The following ACSF3 variants were observed in gnomAD, a reference collection of about 807,000 sequenced individuals.
ACSF3 encodes the protein acyl-CoA synthetase family member 3, also known as malonate--CoA ligase ACSF3, mitochondrial.
Under a neutral mutation model 53.2 loss-of-function variants are expected in ACSF3, and 78 were observed. That is an observed-to-expected ratio of 1.47 (90% confidence interval 1.22 to 1.77). The LOEUF (loss-of-function observed/expected upper bound fraction) is 1.77. Among genes scored for constraint, ACSF3 ranks in the 40% most tolerant of loss-of-function variants. ACSF3 has a pLI of 0.00. For missense variants in ACSF3, 937 were observed against 771.1 expected (o/e 1.22, Z -2.55); for synonymous variants, 414 against 333.1 (o/e 1.24, Z -2.65).
At chr16:89,097,346 AG>A in intron 1 of ACSF3, among the ~76,000 whole-genome samples, 1 of 152,206 alleles carries the variant, frequency 6.6e-6, no homozygotes, top group Non-Finnish European at 1.5e-5. Context: ...ACACAATGAC[AG>A]GCACCTTCTA....
intron 3 of ACSF3, among the ~76,000 whole-genome samples, chr16:89,101,707 G>A (rs72817435): frequency 0.035 from 5,353 of 152,292 alleles, 150 homozygotes; most frequent in East Asian, 0.14. Context: ...ACATACACCC[G>A]GGTCTTACTC....
At chr16:89,096,834 A>G (rs1274121118) in intron 1 of ACSF3, among the ~76,000 whole-genome samples, 1 of 152,116 alleles carries the variant, frequency 6.6e-6, no homozygotes, top group Non-Finnish European at 1.5e-5. Context: ...GCCTCTCCTC[A>G]TAGCGCGTGG....
rs569800761 is a variant in ACSF3 at position 89,154,409 on chromosome 16, G to A, written c.*202G>A. The A allele has an allele frequency of 7.5e-5, 51 of 679,632 alleles. No individual in the cohort carries two copies. Among genetic ancestry groups the A allele is most frequent in the East Asian group, 7.4e-4 (26 of 35,338 alleles). 42.1% of individuals were successfully genotyped at this position (679,632 alleles called of 1,614,324 possible). ...CCAGTTGTTGCAGCTCAAGGAGACC[G>A]TCCCTGGTGTCACCTCTGCCTGGTC... On this transcript the variant is annotated 3_prime_UTR_variant, in exon 11 of 11. Coordinates refer to ENST00000614302, the MANE Select transcript of ACSF3 (RefSeq NM_001243279.3).
chr16:89,154,484 G>T lies in ACSF3; in HGVS notation c.*277G>T. On this transcript the variant is annotated 3_prime_UTR_variant, in exon 11 of 11. Transcript: ENST00000614302. ...CGGTGCAGCCAGCCCCTGGCCCCAC[G>T]TGCTGAGGCACCTCCCGCCCCACAG... 1.7e-6 allele frequency: 1 copy of T among 595,632 alleles called. No homozygotes were observed. Among genetic ancestry groups the T allele is most frequent in the Non-Finnish European group, 3.1e-6 (1 of 318,320 alleles). The allele number at this position is 595,632 out of a possible 1,614,324, so 36.9% of individuals were successfully genotyped here. A position where few individuals can be genotyped will look rare whatever the true frequency, so the allele number is the denominator to read the frequency against.
At chr16:89,124,692 T>C (rs1864323613) in intron 7 of ACSF3, among the ~76,000 whole-genome samples, 1 of 29,062 alleles carries the variant, frequency 3.4e-5, no homozygotes, top group Admixed American at 4.5e-4. Context: ...ATGCACACAC[T>C]GCATGTGTGT....
At chr16:89,102,406 T>G in intron 3 of ACSF3, 198 bp from the exon 4 acceptor site, 1 of 657,002 alleles carries the variant, frequency 1.5e-6, no homozygotes, top group Middle Eastern at 4.0e-4. Flanking sequence ...CCAGGGTAAG[T>G]GAGTGACCCA....
chr16:89,094,512 A>G (rs4782472), intron 1 of ACSF3, among the ~76,000 whole-genome samples: 112,789 of 151,980 alleles, frequency 0.74, 42,087 homozygotes, highest in East Asian at 0.8. Context: ...AAGGTACTGC[A>G]GGCAGCCCAT....
chr16:89,117,749 ACTC>A (rs1905429845), intron 6 of ACSF3, among the ~76,000 whole-genome samples: 1 of 152,056 alleles, frequency 6.6e-6, no homozygotes, highest in African/African-American at 2.4e-5. Flanking sequence ...TGGAATCAGA[ACTC>A]CTAGGCGAAC....
In ACSF3 at chr16:89,155,025, C is replaced by T. The variant is rs1597284967; in HGVS notation, c.*818C>T. 2.2e-6 allele frequency: 1 copy of T among 454,020 alleles called. No individual in the cohort carries two copies. The highest frequency in any genetic ancestry group is 2.0e-5 in the African/African-American group (1 of 49,996). 28.1% of individuals were successfully genotyped at this position (454,020 alleles called of 1,614,324 possible). On this transcript the variant is annotated 3_prime_UTR_variant, in exon 11 of 11. Transcript: ENST00000614302. ...CCATTTCATGTCTGTGGCTCACCAG[C>T]TTTTCCCCAGACCCAGCTCCGGAGC... is the stretch of plus-strand genomic sequence containing the variant.
chr16:89,101,012 G>A lies in ACSF3; in HGVS notation c.331G>A (p.Ala111Thr). The A allele has an allele frequency of 6.2e-7, 1 of 1,613,720 alleles. No homozygotes were observed. The highest frequency in any genetic ancestry group is 8.5e-7 in the Non-Finnish European group (1 of 1,179,782). Residue 111 changes from alanine (A) to threonine (T), a missense_variant, in exon 3 of 11, where the codon GCC becomes ACC. Coordinates refer to ENST00000614302, the MANE Select transcript of ACSF3 (RefSeq NM_001243279.3). ...LCANDASYVV[A>T]QWASWMSGGV... ...CGCTAACGATGCCTCCTACGTCGTGGCCCAGTGGGCGTCATGGATGAGTGG... is the reference window on the plus strand; with the variant it reads ...CGCTAACGATGCCTCCTACGTCGTGACCCAGTGGGCGTCATGGATGAGTGG...
At chr16:89,120,683 A>C (rs1261766158) in intron 6 of ACSF3, 118 bp from the exon 7 acceptor site, 9 of 992,554 alleles carry the variant, frequency 9.1e-6, no homozygotes, top group African/African-American at 3.2e-5. Flanking sequence ...CGCTCCCTCC[A>C]CACAGACTCC....
chr16:89,127,067 C>T (rs149571895), intron 7 of ACSF3, among the ~76,000 whole-genome samples: 5 of 152,260 alleles, frequency 3.3e-5, no homozygotes, highest in African/African-American at 1.2e-4. Flanking sequence ...AGGACAAACC[C>T]CACTTGGTCC....
chr16:89,130,856 A>G (rs1009000293), intron 7 of ACSF3, among the ~76,000 whole-genome samples: 10 of 152,124 alleles, frequency 6.6e-5, no homozygotes, highest in Admixed American at 6.6e-4. Flanking sequence ...CAGTAGCATG[A>G]ACGTTAGCCC....
At chr16:89,105,613 C>T (rs375401638) in intron 4 of ACSF3, among the ~76,000 whole-genome samples, 13 of 152,308 alleles carry the variant, frequency 8.5e-5, no homozygotes, top group African/African-American at 3.1e-4. Flanking sequence ...GACTGGGCCC[C>T]CTCAACCTGC....
intron 7 of ACSF3, among the ~76,000 whole-genome samples, chr16:89,127,804 G>A (rs7186287): frequency 0.68 from 104,029 of 152,044 alleles, 36,279 homozygotes; most frequent in Middle Eastern, 0.76. Flanking sequence ...AATCTGTTAA[G>A]TTTCTTTATG....
chr16:89,100,577 A>G, intron 2 of ACSF3, 85 bp from the exon 3 acceptor site: 2 of 1,313,158 alleles, frequency 1.5e-6, no homozygotes, highest in Non-Finnish European at 2.1e-6. Flanking sequence ...CTGGCTGGGT[A>G]CTGGGGAGGT....
chr16:89,135,699 T>G (rs1910295600), intron 8 of ACSF3, among the ~76,000 whole-genome samples: 1 of 152,238 alleles, frequency 6.6e-6, no homozygotes, highest in African/African-American at 2.4e-5. Context: ...CTTGAGCAGG[T>G]CTTGCTCTGA....
chr16:89,104,799 T>C (rs1191864302), intron 4 of ACSF3, among the ~76,000 whole-genome samples: 5 of 152,220 alleles, frequency 3.3e-5, no homozygotes, highest in Non-Finnish European at 7.3e-5. Context: ...GAAGGGGCTC[T>C]TCTCTAGCCT....
rs1054747 is a variant in ACSF3, at chr16:89,154,438, G to A, written c.*231G>A. 33,499 of 656,448 alleles carry A rather than the reference G, an allele frequency of 0.051. 1,297 individuals carry two copies. Among genetic ancestry groups the A allele is most frequent in the East Asian group, 0.13 (4,347 of 33,492 alleles). The allele number at this position is 656,448 out of a possible 1,614,324, so 40.7% of individuals were successfully genotyped here. On this transcript the variant is annotated 3_prime_UTR_variant, in exon 11 of 11. Coordinates refer to ENST00000614302, the MANE Select transcript of ACSF3 (RefSeq NM_001243279.3). Reference sequence around the variant, plus strand: ...CTGGTGTCACCTCTGCCTGGTCACCGCCGACCTCATCTGTGCAGCGCGGTG... The same window carrying A: ...CTGGTGTCACCTCTGCCTGGTCACCACCGACCTCATCTGTGCAGCGCGGTG...
Sources: allele counts gnomAD v4.1 joint callset (sites outside exome capture counted in the v4.1 genomes callset), GRCh38; gene constraint gnomAD v4.1.1; transcripts MANE v1.5; gene names NCBI Gene and HGNC (gene_info 2026-07-23, HGNC 2026-07-21).